The following PALLD variants were observed in gnomAD, a reference collection of about 807,000 sequenced individuals.
PALLD encodes palladin.
Under a neutral mutation model 123.5 loss-of-function variants are expected in PALLD, and 61 were observed. The observed-to-expected ratio is 0.49, with a 90% CI of 0.40 to 0.61. The LOEUF is 0.61. PALLD is among the 20% of genes least tolerant of loss of function. The pLI, the probability that PALLD is intolerant of heterozygous loss-of-function variation, is 0.00. For missense variants in PALLD, 1,273 were observed against 1,377.0 expected, an observed-to-expected ratio of 0.92 and a Z score of 1.20; for synonymous variants, 465 against 496.4, an observed-to-expected ratio of 0.94 and a Z score of 0.84.
chr4:168,730,976 G>C (rs970440629), intron 10 of PALLD, among the ~76,000 whole-genome samples: 1 of 152,070 alleles, frequency 6.6e-6, no homozygotes, highest in African/African-American at 2.4e-5. Flanking sequence ...AGGAATGGTT[G>C]ACTACCTACA....
intron 10 of PALLD, among the ~76,000 whole-genome samples, chr4:168,754,646 A>G (rs530783363): frequency 1.3e-5 from 2 of 152,290 alleles, no homozygotes; most frequent in Admixed American, 6.5e-5. Flanking sequence ...ACAGGATTCA[A>G]CCGAGATATG....
intron 10 of PALLD, among the ~76,000 whole-genome samples, chr4:168,759,134 G>A (rs540923162): frequency 3.3e-4 from 44 of 134,976 alleles, no homozygotes; most frequent in South Asian, 2.7e-3. Flanking sequence ...AGCCGAGATC[G>A]TGCCATTGCA....
chr4:168,899,408 G>A (rs1033258915), intron 14 of PALLD, among the ~76,000 whole-genome samples: 3 of 152,056 alleles, frequency 2.0e-5, no homozygotes, highest in African/African-American at 7.2e-5. Flanking sequence ...AAAAAAAAGG[G>A]AAAAAATTAA....
At position 168,891,041 on chromosome 4, in the gene PALLD, T is replaced by G. The variant is rs139375029; in HGVS notation, c.2084T>G (p.Leu695Arg). 197 of 1,614,056 alleles carry G rather than the reference T, an allele frequency of 1.2e-4. 1 individual carries two copies. The highest frequency in any genetic ancestry group is 1.6e-5 in the Non-Finnish European group (19 of 1,180,016). Residue 695 changes from leucine (L) to arginine (R), a missense_variant, in exon 11 of 22, where the codon CTG (leucine) becomes CGG (arginine). This residue lies in a region of PALLD where 944 missense variants were observed against 954.5 expected (regional missense o/e 0.99). Transcript: ENST00000505667. ...ERKLRFKEDLLNNGQPRLTYE... is the reference protein window; with the variant it reads ...ERKLRFKEDLRNNGQPRLTYE... ...AAACTTCGCTTCAAGGAGGACCTCC[T>G]GAACAATGGCCAGCCGGTACTGATA...
chr4:168,863,168 A>G (rs1581808097), intron 10 of PALLD, among the ~76,000 whole-genome samples: 1 of 152,154 alleles, frequency 6.6e-6, no homozygotes, highest in African/African-American at 2.4e-5. Context: ...CTCTCACCCT[A>G]CTCAAGTTTG....
chr4:168,805,111 T>C (rs566113617), intron 10 of PALLD, among the ~76,000 whole-genome samples: 1 of 151,702 alleles, frequency 6.6e-6, no homozygotes, highest in South Asian at 2.1e-4. Context: ...TGAGCCGAGA[T>C]TGCGCCATTA....
chr4:168,591,118 A>G (rs563137664), intron 2 of PALLD, among the ~76,000 whole-genome samples: 1 of 152,206 alleles, frequency 6.6e-6, no homozygotes, highest in Non-Finnish European at 1.5e-5. Context: ...ACCTCAGGTG[A>G]TCCACCTGCC....
intron 8 of PALLD, among the ~76,000 whole-genome samples, chr4:168,694,084 G>GA (rs1396491442): frequency 6.6e-6 from 1 of 151,968 alleles, no homozygotes; most frequent in African/African-American, 2.4e-5. Context: ...TATGTCAGAG[G>GA]AAAAAACAAA....
intron 2 of PALLD, among the ~76,000 whole-genome samples, chr4:168,590,089 G>A (rs1445942483): frequency 6.6e-6 from 1 of 152,254 alleles, no homozygotes; most frequent in Non-Finnish European, 1.5e-5. Flanking sequence ...TGTAATCCCA[G>A]TACTTTGGGA....
At chr4:168,504,304 AGTTGTG>A (rs1337384236) in intron 1 of PALLD, among the ~76,000 whole-genome samples, 9 of 152,206 alleles carry the variant, frequency 5.9e-5, no homozygotes, top group African/African-American at 1.9e-4. Context: ...ATTAAAAAAC[AGTTGTG>A]GTTGGCCAGG....
intron 3 of PALLD, among the ~76,000 whole-genome samples, chr4:168,672,000 G>A (rs1780329247): frequency 6.6e-6 from 1 of 152,228 alleles, no homozygotes; most frequent in Non-Finnish European, 1.5e-5. Context: ...CTTAAGAACA[G>A]TGGCTAGCAT....
chr4:168,529,661 C>G (rs1448323406), intron 2 of PALLD, among the ~76,000 whole-genome samples: 1 of 152,050 alleles, frequency 6.6e-6, no homozygotes, highest in Non-Finnish European at 1.5e-5. Context: ...AACAAAGATC[C>G]AATTACATGG....
chr4:168,616,872 G>A (rs1296861310), intron 2 of PALLD, among the ~76,000 whole-genome samples: 1 of 152,106 alleles, frequency 6.6e-6, no homozygotes, highest in African/African-American at 2.4e-5. Context: ...TTTACCCCAA[G>A]ACCAGCTTTG....
At chr4:168,865,184 T>TA (rs1003856715) in intron 10 of PALLD, among the ~76,000 whole-genome samples, 3 of 152,252 alleles carry the variant, frequency 2.0e-5, no homozygotes, top group Non-Finnish European at 4.4e-5. Context: ...CTTTGGCCTC[T>TA]AAGGAATGTC....
intron 2 of PALLD, among the ~76,000 whole-genome samples, chr4:168,666,135 T>C (rs1779627294): frequency 6.6e-6 from 1 of 152,198 alleles, no homozygotes; most frequent in Non-Finnish European, 1.5e-5. Context: ...GGCTATAAGT[T>C]CACTGAGTTA....
intron 8 of PALLD, among the ~76,000 whole-genome samples, chr4:168,701,274 A>G (rs1335688967): frequency 6.6e-6 from 1 of 152,274 alleles, no homozygotes; most frequent in Non-Finnish European, 1.5e-5. Flanking sequence ...CCCAGAGCCC[A>G]TGTGCCCAGT....
intron 8 of PALLD, among the ~76,000 whole-genome samples, chr4:168,708,133 T>C (rs1784393098): frequency 6.6e-6 from 1 of 152,230 alleles, no homozygotes; most frequent in Non-Finnish European, 1.5e-5. Context: ...GCTTCCATTT[T>C]CTACCTATAA....
At chr4:168,634,389 T>C (rs1776132162) in intron 2 of PALLD, among the ~76,000 whole-genome samples, 1 of 152,236 alleles carries the variant, frequency 6.6e-6, no homozygotes, top group Non-Finnish European at 1.5e-5. Context: ...TAATTAAACG[T>C]GCCTCTGCCA....
At chr4:168,738,294 G>C (rs538275161) in intron 10 of PALLD, among the ~76,000 whole-genome samples, 17 of 152,278 alleles carry the variant, frequency 1.1e-4, no homozygotes, top group African/African-American at 3.6e-4. Flanking sequence ...GAATGAAAGA[G>C]GACTGAGATG....
Sources: gnomAD v4.1 joint callset for allele counts (sites outside exome capture counted in the v4.1 genomes callset) on GRCh38, gnomAD v4.1.1 for gene constraint, gnomAD v4.1.1 regional missense constraint, MANE v1.5 for transcripts, NCBI Gene and HGNC (gene_info 2026-07-23, HGNC 2026-07-21) for gene names.